Variants in SESTD1 observed in about 807,000 individuals in gnomAD.
The protein encoded by SESTD1 is SEC14 and spectrin domain containing 1.
In SESTD1, 43 loss-of-function variants were observed where a neutral mutation model predicts 101.7. That is an observed-to-expected ratio of 0.42 (90% CI 0.33 to 0.55). The LOEUF is 0.55. Among genes scored for constraint, SESTD1 ranks in the 20% least tolerant of loss-of-function variants. SESTD1 has a pLI of 0.07. For synonymous variants in SESTD1, 283 were observed against 286.8 expected, an observed-to-expected ratio of 0.99 and a Z score of 0.13; for missense variants, 647 against 815.1, an observed-to-expected ratio of 0.79 and a Z score of 2.51.
intron 1 of SESTD1, among the ~76,000 whole-genome samples, chr2:179,231,207 T>C (rs2046982144): frequency 6.6e-6 from 1 of 152,156 alleles, no homozygotes; most frequent in Non-Finnish European, 1.5e-5. Flanking sequence ...ATAGGTAAAC[T>C]TCAGCAAAAG....
intron 5 of SESTD1, among the ~76,000 whole-genome samples, chr2:179,168,499 C>T (rs2045875432): frequency 6.6e-6 from 1 of 151,128 alleles, no homozygotes; most frequent in South Asian, 2.1e-4. Context: ...GTTCACAGGT[C>T]AACGGCATGA....
rs76833045 is a variant in SESTD1, at chr2:179,116,713, C to A, written c.1602G>T (p.Thr534=). The A allele has an allele frequency of 3.1e-6, 5 of 1,613,978 alleles. No individual in the cohort carries two copies. The African/African-American group carries it at 5.3e-5, about 17-fold the overall frequency. The part of the protein sequence containing the change: ...HIRLGDDAQE[T]KVLLEKHRKF... ...TTCTATGCTTTTCCAGCAAAACTTT[C>A]GTTTCTTGAGCATCATCGCCCAATC... Residue 534 remains threonine, a synonymous_variant, in exon 15 of 18, where the codon ACG becomes ACT. Transcript: ENST00000428443.
At chr2:179,140,258 C>T (rs2045247055) in intron 9 of SESTD1, among the ~76,000 whole-genome samples, 1 of 152,112 alleles carries the variant, frequency 6.6e-6, no homozygotes, top group South Asian at 2.1e-4. Context: ...AGTACTGACC[C>T]ACAGTACCTC....
At chr2:179,116,005 G>A (rs1249014736) in intron 15 of SESTD1, among the ~76,000 whole-genome samples, 4 of 152,040 alleles carry the variant, frequency 2.6e-5, no homozygotes, top group Non-Finnish European at 4.4e-5. Context: ...TTGGCGCGGT[G>A]GCTCACTCCT....
intron 2 of SESTD1, among the ~76,000 whole-genome samples, chr2:179,184,590 T>C (rs558405469): frequency 1.3e-4 from 20 of 152,266 alleles, no homozygotes; most frequent in African/African-American, 4.8e-4. Flanking sequence ...CACAAGTGGT[T>C]TTCAAACTGC....
intron 1 of SESTD1, among the ~76,000 whole-genome samples, chr2:179,240,081 G>C (rs2047128354): frequency 6.6e-6 from 1 of 152,152 alleles, no homozygotes; most frequent in African/African-American, 2.4e-5. Flanking sequence ...TCAGACAGAA[G>C]AACAAATTGA....
At chr2:179,170,303 G>A (rs2045909371) in intron 5 of SESTD1, among the ~76,000 whole-genome samples, 2 of 151,104 alleles carry the variant, frequency 1.3e-5, no homozygotes, top group African/African-American at 2.4e-5. Context: ...CAATAGACTA[G>A]GAGGTAATAT....
At chr2:179,179,125 G>T (rs2046064559) in intron 3 of SESTD1, among the ~76,000 whole-genome samples, 1 of 152,080 alleles carries the variant, frequency 6.6e-6, no homozygotes, top group Admixed American at 6.6e-5. Flanking sequence ...AAATAGTTTT[G>T]TTTTTTGCTT....
At chr2:179,155,697 C>A (rs2045615698) in intron 5 of SESTD1, among the ~76,000 whole-genome samples, 1 of 152,054 alleles carries the variant, frequency 6.6e-6, no homozygotes, top group Non-Finnish European at 1.5e-5. Flanking sequence ...TAAATACTGA[C>A]AAAAATCTCT....
At chr2:179,246,842 T>TA (rs1368273385) in intron 1 of SESTD1, among the ~76,000 whole-genome samples, 1 of 152,200 alleles carries the variant, frequency 6.6e-6, no homozygotes, top group African/African-American at 2.4e-5. Flanking sequence ...GTAACATTTC[T>TA]AAAAAATCTC....
intron 5 of SESTD1, among the ~76,000 whole-genome samples, chr2:179,152,492 A>C (rs936218225): frequency 1.3e-5 from 2 of 152,232 alleles, no homozygotes; most frequent in Non-Finnish European, 2.9e-5. Context: ...CATAAAACTG[A>C]CTTTAAAAAA....
chr2:179,213,763 C>T lies in SESTD1; in HGVS notation c.-25-21897G>A, dbSNP rs1418090443. On this transcript the variant is annotated intron_variant, in intron 1 of 17. Transcript: ENST00000428443. ...CAACCATAGAGAAAGGTTGGGTTACCCACAAAGGATGGAATCTCCTGGCAG... is the reference window on the plus strand; with the variant it reads ...CAACCATAGAGAAAGGTTGGGTTACTCACAAAGGATGGAATCTCCTGGCAG... Among the ~76,000 whole-genome samples the T allele has an allele frequency of 1.5e-5, 2 of 135,038 alleles. 1 individual carries two copies. The highest frequency in any genetic ancestry group is 5.8e-5 in the African/African-American group (2 of 34,250). The allele number at this position is 135,038 out of a possible 152,430, so 88.6% of individuals were successfully genotyped here.
intron 1 of SESTD1, among the ~76,000 whole-genome samples, chr2:179,244,729 C>G (rs1359244687): frequency 6.6e-6 from 1 of 151,870 alleles, no homozygotes; most frequent in Non-Finnish European, 1.5e-5. Context: ...CGGGAACAAA[C>G]AAAAAAAGGT....
intron 1 of SESTD1, among the ~76,000 whole-genome samples, chr2:179,231,718 T>TAAAAAAAA (rs35589081): frequency 9.7e-6 from 1 of 103,010 alleles, no homozygotes; most frequent in African/African-American, 3.4e-5. Flanking sequence ...ACCAAAAAGC[T>TAAAAAAAA]AAAAAAAAAA....
chr2:179,153,129 T>C (rs1434875619), intron 5 of SESTD1, among the ~76,000 whole-genome samples: 1 of 152,200 alleles, frequency 6.6e-6, no homozygotes, highest in Non-Finnish European at 1.5e-5. Context: ...TTTGTGCCAA[T>C]ACCTATAAAC....
intron 1 of SESTD1, among the ~76,000 whole-genome samples, chr2:179,209,579 TACA>T (rs1333774103): frequency 3.0e-5 from 4 of 134,616 alleles, no homozygotes; most frequent in African/African-American, 1.2e-4. Flanking sequence ...CTCAAAACTA[TACA>T]AATACATTAA....
chr2:179,201,918 T>TATAATAATAATA lies in SESTD1; in HGVS notation c.-25-10064_-25-10053dup, dbSNP rs147660848. On this transcript the variant is annotated intron_variant, in intron 1 of 17. Coordinates refer to ENST00000428443, the MANE Select transcript of SESTD1 (RefSeq NM_178123.5). The stretch of plus-strand genomic sequence containing the variant: ...TGCACATGTACCCTAAAACTTAAAG[T>TATAATAATAATA]ATAATAATAATAATAATAATAATAA... Among the ~76,000 whole-genome samples, 610 of 103,266 alleles carry TATAATAATAATA rather than the reference T, an allele frequency of 5.9e-3. 90 individuals are homozygous for TATAATAATAATA. The highest frequency in any genetic ancestry group is 0.015 in the African/African-American group (347 of 23,146). The allele number at this position is 103,266 out of a possible 152,430, so 67.7% of individuals were successfully genotyped here.
chr2:179,108,551 T>A lies in SESTD1; in HGVS notation c.*1348A>T, dbSNP rs1457121635. The A allele has an allele frequency of 6.6e-6, 1 of 151,564 alleles. No individual in the cohort carries two copies. Among genetic ancestry groups the A allele is most frequent in the African/African-American group, 2.4e-5 (1 of 41,232 alleles). 9.4% of individuals were successfully genotyped at this position (151,564 alleles called of 1,614,324 possible). ...GATGTGGATTTCTCCAAGAAGTCTGTCAGTCAGTGAAGAAGGCTGGAAAAA... is the reference window on the plus strand; with the variant it reads ...GATGTGGATTTCTCCAAGAAGTCTGACAGTCAGTGAAGAAGGCTGGAAAAA... On this transcript the variant is annotated 3_prime_UTR_variant, in exon 18 of 18. Transcript: ENST00000428443.
chr2:179,244,331 C>T (rs746021170), intron 1 of SESTD1, among the ~76,000 whole-genome samples: 9 of 151,868 alleles, frequency 5.9e-5, no homozygotes, highest in Non-Finnish European at 7.4e-5. Context: ...TGATGGCCCA[C>T]GCCTGTAGTC....
Sources: gnomAD v4.1 joint callset for allele counts (sites outside exome capture counted in the v4.1 genomes callset) on GRCh38, gnomAD v4.1.1 for gene constraint, MANE v1.5 for transcripts, NCBI Gene and HGNC (gene_info 2026-07-23, HGNC 2026-07-21) for gene names.